Variants in CRTAC1 observed in about 807,000 individuals in gnomAD.
CRTAC1 encodes the protein acidic secreted protein in cartilage.
Under a neutral mutation model 67.8 loss-of-function variants are expected in CRTAC1, and 37 were observed. The ratio of observed to expected loss-of-function variants is 0.55; its 90% CI spans 0.42 to 0.72. CRTAC1 has a LOEUF of 0.72. Among genes scored for constraint, CRTAC1 ranks in the 30% least tolerant of loss-of-function variants. CRTAC1 has a pLI of 0.00. For synonymous variants in CRTAC1, 348 were observed against 371.0 expected (o/e 0.94, Z 0.71); for missense variants, 780 against 931.6 (o/e 0.84, Z 2.12).
intron 2 of CRTAC1, among the ~76,000 whole-genome samples, chr10:97,959,302 C>T (rs1006848802): frequency 2.6e-5 from 4 of 152,164 alleles, no homozygotes; most frequent in Non-Finnish European, 4.4e-5. Flanking sequence ...TGTGGGGTCA[C>T]CAGGCACAAG....
chr10:97,906,059 G>A (rs1485534678), intron 6 of CRTAC1, among the ~76,000 whole-genome samples: 1 of 152,218 alleles, frequency 6.6e-6, no homozygotes, highest in African/African-American at 2.4e-5. Context: ...CAATGTAATA[G>A]GCAGTGGGGA....
chr10:97,873,265 G>A (rs2050112359), intron 14 of CRTAC1, among the ~76,000 whole-genome samples: 2 of 152,200 alleles, frequency 1.3e-5, no homozygotes, highest in Admixed American at 1.3e-4. Flanking sequence ...AGGGAGAGGG[G>A]AGGGCCATAG....
At position 97,895,762 on chromosome 10, in the gene CRTAC1, G is replaced by T. The variant is rs1488961551; in HGVS notation, c.1317+123C>A. 3 of 754,258 alleles carry T rather than the reference G, an allele frequency of 4.0e-6. No individual in the cohort carries two copies. The highest frequency in any genetic ancestry group is 6.4e-6 in the Non-Finnish European group (3 of 469,384). 46.7% of individuals were successfully genotyped at this position (754,258 alleles called of 1,614,324 possible). The stretch of plus-strand genomic sequence containing the variant: ...CTGGAATTTACTTCCCTCCTCCAGG[G>T]CCCGGGACTTCCATTACCCACCATG... On this transcript the variant is annotated intron_variant, in intron 10 of 14. Transcript: ENST00000370597. The surrounding 1 kb of genome is among the most constrained non-coding windows in gnomAD (Gnocchi z 4.2).
chr10:97,889,452 G>GT (rs1354900564), intron 11 of CRTAC1, among the ~76,000 whole-genome samples: 33 of 139,438 alleles, frequency 2.4e-4, no homozygotes, highest in African/African-American at 5.9e-4. Flanking sequence ...GTGGAACTTG[G>GT]TGGGGGGGGG....
intron 2 of CRTAC1, among the ~76,000 whole-genome samples, chr10:97,949,731 C>T (rs2051321712): frequency 1.3e-5 from 2 of 152,246 alleles, no homozygotes. Flanking sequence ...TGCTCTGCAA[C>T]TCTTCAGCTG....
chr10:97,896,307 GT>G (rs146219221), intron 9 of CRTAC1, among the ~76,000 whole-genome samples: 8 of 151,598 alleles, frequency 5.3e-5, no homozygotes, highest in African/African-American at 1.9e-4. Context: ...ATTTGCACAG[GT>G]TTTTTTTTGT....
chr10:98,026,101 A>G (rs1049482025), intron 1 of CRTAC1, among the ~76,000 whole-genome samples: 25 of 152,170 alleles, frequency 1.6e-4, no homozygotes, highest in Non-Finnish European at 8.8e-5. Context: ...TCCCCTTCCA[A>G]CTGAATACCT....
At chr10:97,940,887 T>C (rs1184515844) in intron 2 of CRTAC1, among the ~76,000 whole-genome samples, 1 of 152,156 alleles carries the variant, frequency 6.6e-6, no homozygotes, top group East Asian at 1.9e-4. Context: ...CGGGGCACAA[T>C]CTCTCACTCT....
rs368203549 is a variant in CRTAC1 at position 97,917,614 on chromosome 10, C to T, written c.601G>A (p.Gly201Ser). 39 of 1,598,368 alleles carry T rather than the reference C, an allele frequency of 2.4e-5. No homozygotes were observed. Among genetic ancestry groups the T allele is most frequent in the African/African-American group, 6.7e-5 (5 of 74,832 alleles). ...YSIYIANYAY[G>S]NVGPDALIEM... Reference sequence around the variant, plus strand: ...ATGAGGGCATCAGGGCCCACATTACCGTAGGCGTAATTGGCAATGTAGATA... The same window carrying T: ...ATGAGGGCATCAGGGCCCACATTACTGTAGGCGTAATTGGCAATGTAGATA... The change falls in exon 5 of 15, where the codon GGT (glycine) becomes AGT (serine). Residue 201 changes from glycine (G) to serine (S), a missense_variant. Gly to Ser is a moderately conservative substitution (Grantham distance 56). Transcript: ENST00000370597.
chr10:97,998,986 T>TA lies in CRTAC1; in HGVS notation c.224+12151dup, dbSNP rs113278784. Among the ~76,000 whole-genome samples the TA allele has an allele frequency of 2.2e-3, 321 of 147,784 alleles. 1 individual carries two copies. Among genetic ancestry groups the TA allele is most frequent in the African/African-American group, 6.6e-3 (268 of 40,314 alleles). ...GGTATAAATCCCAAATCAATAGGGG[T>TA]AAAAAAAAAATGGGATTTAGAAAAC... On this transcript the variant is annotated intron_variant, in intron 2 of 14. Transcript: ENST00000370597.
intron 1 of CRTAC1, among the ~76,000 whole-genome samples, chr10:98,014,789 A>G (rs949402346): frequency 6.6e-6 from 1 of 152,228 alleles, no homozygotes; most frequent in African/African-American, 2.4e-5. Flanking sequence ...AAAAAACAAA[A>G]ACAGAAAAAA....
rs781732834 is a variant in CRTAC1 at position 97,975,050 on chromosome 10, C to T, written c.224+36088G>A. 6.6e-6 allele frequency among the ~76,000 whole-genome samples: 1 copy of T among 151,912 alleles called. No homozygotes were observed. The highest frequency in any genetic ancestry group is 1.9e-4 in the East Asian group (1 of 5,138). ...GCCGGAGCGCGGGCAGGGACTGGCG[C>T]GGGATCGATTCCCGGGTGGCGGTGG... On this transcript the variant is annotated intron_variant, in intron 2 of 14. Transcript: ENST00000370597. The surrounding 1 kb of genome is among the most constrained non-coding windows in gnomAD (Gnocchi z 4.8).
chr10:97,934,836 A>G (rs1293447977), intron 3 of CRTAC1, among the ~76,000 whole-genome samples: 1 of 151,920 alleles, frequency 6.6e-6, no homozygotes, highest in Non-Finnish European at 1.5e-5. Flanking sequence ...TACATCCCTC[A>G]CAGTGTCCCT....
At chr10:97,869,378 T>A (rs535045263) in intron 14 of CRTAC1, 75 of 152,574 alleles carry the variant, frequency 4.9e-4, no homozygotes, top group African/African-American at 1.8e-3. Context: ...GGGGTCTGGC[T>A]GTAGCCATGT....
At chr10:97,882,583 C>T (rs2050229839) in intron 13 of CRTAC1, among the ~76,000 whole-genome samples, 3 of 152,210 alleles carry the variant, frequency 2.0e-5, no homozygotes, top group Admixed American at 2.0e-4. Flanking sequence ...AGTGATTCAG[C>T]CTGTGGGTCA....
rs1439985414 is a variant in CRTAC1 at position 97,887,235 on chromosome 10, T to TTTTC, written c.1487-2885_1487-2884insGAAA. ...GTACTTGCGGCACTTAGGTTTTTTT[T>TTTTC]TTTTTTTTTTCTGTTTTTATTTTGA... On this transcript the variant is annotated intron_variant, in intron 11 of 14. Coordinates refer to ENST00000370597, the MANE Select transcript of CRTAC1 (RefSeq NM_018058.7). Among the ~76,000 whole-genome samples the TTTTC allele has an allele frequency of 4.6e-5, 7 of 151,574 alleles. 1 individual carries two copies. Among genetic ancestry groups the TTTTC allele is most frequent in the African/African-American group, 1.5e-4 (6 of 41,232 alleles).
intron 8 of CRTAC1, among the ~76,000 whole-genome samples, chr10:97,898,222 C>T (rs611939): frequency 0.052 from 7,854 of 152,226 alleles, 234 homozygotes; most frequent in Middle Eastern, 0.095. Flanking sequence ...CCGGGCCCTG[C>T]GTGAGGTATG....
intron 2 of CRTAC1, among the ~76,000 whole-genome samples, chr10:97,938,465 T>C (rs1234424094): frequency 6.6e-6 from 1 of 152,192 alleles, no homozygotes; most frequent in Non-Finnish European, 1.5e-5. Context: ...AGGCAAAGCA[T>C]TTTTCCAGAA....
At chr10:97,884,057 T>C (rs974234701) in intron 12 of CRTAC1, 149 bp downstream of exon 12, 3 of 804,902 alleles carry the variant, frequency 3.7e-6, no homozygotes, top group African/African-American at 3.5e-5. Context: ...AAACTACAAA[T>C]GGAGGGATCA....
Sources: allele counts gnomAD v4.1 joint callset (sites outside exome capture counted in the v4.1 genomes callset), GRCh38; gene constraint gnomAD v4.1.1; non-coding constraint Gnocchi (gnomAD v3.1); transcripts MANE v1.5; gene names NCBI Gene and HGNC (gene_info 2026-07-23, HGNC 2026-07-21).